The following EPHA5 variants were observed in gnomAD, a reference collection of about 807,000 sequenced individuals.
The protein encoded by EPHA5 is EPH receptor A5.
Under a neutral mutation model 105.0 loss-of-function variants are expected in EPHA5, and 60 were observed. That is an observed-to-expected ratio of 0.57 (90% confidence interval 0.46 to 0.71). EPHA5 has a LOEUF of 0.71. EPHA5 is among the 30% of genes least tolerant of loss of function. EPHA5 has a pLI of 0.00. For missense variants in EPHA5, 1,218 were observed against 1,274.7 expected (o/e 0.96, Z 0.68); for synonymous variants, 513 against 449.1 (o/e 1.14, Z -1.80).
At chr4:65,520,212 G>T (rs1734549379) in intron 3 of EPHA5, among the ~76,000 whole-genome samples, 1 of 152,074 alleles carries the variant, frequency 6.6e-6, no homozygotes, top group Admixed American at 6.6e-5. Flanking sequence ...AGAGCCCTCA[G>T]AAATAATACC....
chr4:65,569,168 G>C (rs999103173), intron 3 of EPHA5, among the ~76,000 whole-genome samples: 3 of 151,366 alleles, frequency 2.0e-5, no homozygotes, highest in African/African-American at 7.3e-5. Context: ...AAAAAATTTA[G>C]GTTAGGCTCA....
chr4:65,324,025 C>T lies in EPHA5; in HGVS notation c.*89G>A. The stretch of plus-strand genomic sequence containing the variant: ...CTAAGGTTTAGAAATCACTGTTTTC[C>T]CTTTTCCCCCTTTTTTTGTTAAAAT... On this transcript the variant is annotated 3_prime_UTR_variant, in exon 17 of 17. Coordinates refer to ENST00000613740, the MANE Select transcript of EPHA5 (RefSeq NM_001281766.3). 1 of 845,662 alleles carries T rather than the reference C, an allele frequency of 1.2e-6. No individual in the cohort carries two copies. The highest frequency in any genetic ancestry group is 1.9e-6 in the Non-Finnish European group (1 of 525,622). 52.4% of individuals were successfully genotyped at this position (845,662 alleles called of 1,614,324 possible).
intron 2 of EPHA5, among the ~76,000 whole-genome samples, chr4:65,608,316 A>G (rs1334659702): frequency 6.6e-6 from 1 of 152,080 alleles, no homozygotes; most frequent in Non-Finnish European, 1.5e-5. Context: ...CATCCTGACT[A>G]ACACGGTGAA....
chr4:65,469,364 C>T (rs771344685), intron 5 of EPHA5, among the ~76,000 whole-genome samples: 7 of 152,050 alleles, frequency 4.6e-5, no homozygotes, highest in Non-Finnish European at 2.9e-5. Flanking sequence ...AATCTCTGGC[C>T]TATTAACTAG....
intron 2 of EPHA5, among the ~76,000 whole-genome samples, chr4:65,605,400 C>G (rs1322417586): frequency 6.6e-6 from 1 of 152,168 alleles, no homozygotes; most frequent in Non-Finnish European, 1.5e-5. Flanking sequence ...TGGTATCAAG[C>G]GCCTGCTGTT....
chr4:65,514,362 A>G (rs1733904163), intron 3 of EPHA5, among the ~76,000 whole-genome samples: 1 of 152,200 alleles, frequency 6.6e-6, no homozygotes, highest in African/African-American at 2.4e-5. Context: ...GTAAAAAGTA[A>G]TACAATTTCT....
chr4:65,524,261 T>TAGAC (rs1165380111), intron 3 of EPHA5, among the ~76,000 whole-genome samples: 1 of 151,776 alleles, frequency 6.6e-6, no homozygotes, highest in Non-Finnish European at 1.5e-5. Flanking sequence ...AATAAGTCTA[T>TAGAC]AGACAAAGTC....
intron 2 of EPHA5, among the ~76,000 whole-genome samples, chr4:65,626,665 C>T (rs977498744): frequency 6.6e-6 from 1 of 152,096 alleles, no homozygotes; most frequent in African/African-American, 2.4e-5. Flanking sequence ...CGTATAGTTT[C>T]AAATCAAAGT....
At chr4:65,574,757 T>C (rs549004020) in intron 3 of EPHA5, among the ~76,000 whole-genome samples, 83 of 139,560 alleles carry the variant, frequency 5.9e-4, no homozygotes, top group African/African-American at 1.6e-3. Flanking sequence ...TATATATATA[T>C]ACACAGTAAT....
Position 65,404,403 on chromosome 4 carries a change from T to C in EPHA5, c.1764A>G (p.Ala588=). ...CACTGAGGAGGACGCCGATAACCAC[T>C]GCCAACAAAATGACTCCCACTGTCA... is the stretch of plus-strand genomic sequence containing the variant. ...VSVTVGVILL[A]VVIGVLLSGR... is the part of the protein sequence containing the mutation. The change falls in exon 8 of 17, where the codon GCA becomes GCG. Residue 588 remains alanine (A), a synonymous_variant. Coordinates refer to ENST00000613740, the MANE Select transcript of EPHA5 (RefSeq NM_001281766.3). 6.2e-7 allele frequency: 1 copy of C among 1,613,712 alleles called. No homozygotes were observed. Among genetic ancestry groups the C allele is most frequent in the East Asian group, 2.2e-5 (1 of 44,816 alleles).
At chr4:65,383,355 T>C (rs1577972828) in intron 8 of EPHA5, among the ~76,000 whole-genome samples, 1 of 151,770 alleles carries the variant, frequency 6.6e-6, no homozygotes, top group East Asian at 1.9e-4. Context: ...CTGGACATGA[T>C]ATTAGTGGCA....
chr4:65,434,054 C>CA (rs1725250220), intron 5 of EPHA5, among the ~76,000 whole-genome samples: 1 of 149,428 alleles, frequency 6.7e-6, no homozygotes, highest in African/African-American at 2.4e-5. Context: ...GACTCCATCT[C>CA]AAAAAAATAA....
At chr4:65,337,324 T>C (rs1328102826) in intron 14 of EPHA5, among the ~76,000 whole-genome samples, 2 of 152,102 alleles carry the variant, frequency 1.3e-5, no homozygotes, top group Non-Finnish European at 2.9e-5. Context: ...TCATTCCTTC[T>C]ACTTCGCTGT....
intron 5 of EPHA5, among the ~76,000 whole-genome samples, chr4:65,470,003 G>C (rs1477796659): frequency 2.0e-5 from 3 of 152,066 alleles, no homozygotes; most frequent in African/African-American, 7.2e-5. Flanking sequence ...TCAAAGGAGA[G>C]TAGATTGCTA....
At chr4:65,551,572 C>T (rs548125389) in intron 3 of EPHA5, among the ~76,000 whole-genome samples, 10 of 152,204 alleles carry the variant, frequency 6.6e-5, no homozygotes, top group Admixed American at 4.6e-4. Flanking sequence ...TTCTTAGCCA[C>T]TGAATGTGTG....
chr4:65,655,118 A>C (rs1748941837), intron 1 of EPHA5, among the ~76,000 whole-genome samples: 1 of 151,698 alleles, frequency 6.6e-6, no homozygotes, highest in South Asian at 2.1e-4. Flanking sequence ...CCTGATAATC[A>C]TCTATATCCC....
At position 65,351,386 on chromosome 4, in the gene EPHA5, T is replaced by C. The variant is rs1722799112; in HGVS notation, c.2445+3A>G. On this transcript the variant is annotated splice_donor_region_variant and intron_variant, in intron 13 of 16. Coordinates refer to ENST00000613740, the MANE Select transcript of EPHA5 (RefSeq NM_001281766.3). ...TTTAGAAATGCACTCTGTTAGATCT[T>C]ACCCTTGTGGTGTAGGCTGCCTCGG... 1.2e-6 allele frequency: 2 copies of C among 1,613,410 alleles called. No individual in the cohort carries two copies. The highest frequency in any genetic ancestry group is 8.5e-7 in the Non-Finnish European group (1 of 1,179,546).
At chr4:65,566,141 C>T (rs1435554298) in intron 3 of EPHA5, among the ~76,000 whole-genome samples, 1 of 151,682 alleles carries the variant, frequency 6.6e-6, no homozygotes, top group Non-Finnish European at 1.5e-5. Context: ...CTTTCTGCTC[C>T]CATTTTCTCA....
chr4:65,515,226 A>T (rs1265950347), intron 3 of EPHA5, among the ~76,000 whole-genome samples: 2 of 152,146 alleles, frequency 1.3e-5, no homozygotes, highest in African/African-American at 4.8e-5. Context: ...TAAAGCTATA[A>T]TTACTAGCTT....
Sources: allele counts gnomAD v4.1 joint callset (sites outside exome capture counted in the v4.1 genomes callset), GRCh38; gene constraint gnomAD v4.1.1; transcripts MANE v1.5; gene names NCBI Gene and HGNC (gene_info 2026-07-23, HGNC 2026-07-21).